SNX24: variants seen among roughly 807,000 people sequenced by gnomAD.
The protein encoded by SNX24 is sorting nexin 24.
Under a neutral mutation model 28.7 loss-of-function variants are expected in SNX24, and 22 were observed. The ratio of observed to expected loss-of-function variants is 0.77; its 90% CI spans 0.55 to 1.10. The LOEUF (loss-of-function observed/expected upper bound fraction) is 1.10, where lower values mean the gene tolerates loss of function less well. Among genes scored for constraint, SNX24 ranks in the 50% least tolerant of loss-of-function variants. The pLI, the probability that SNX24 is intolerant of heterozygous loss-of-function variation, is 0.00. For missense variants in SNX24, 221 were observed against 201.1 expected (o/e 1.10, Z -0.60); for synonymous variants, 69 against 71.5 (o/e 0.96, Z 0.18).
At chr5:122,885,031 G>A (rs1398553668) in intron 1 of SNX24, among the ~76,000 whole-genome samples, 1 of 152,196 alleles carries the variant, frequency 6.6e-6, no homozygotes, top group African/African-American at 2.4e-5. Flanking sequence ...AATGAGAGTG[G>A]TATAAACAGT....
downstream of SNX24, among the ~76,000 whole-genome samples, chr5:123,014,022 CACA>C (rs904250643): frequency 6.6e-6 from 1 of 152,198 alleles, no homozygotes; most frequent in Admixed American, 6.5e-5. Context: ...ATTGAAGCTT[CACA>C]ACATCTTTAA....
chr5:122,863,232 A>T (rs971872786), intron 1 of SNX24, among the ~76,000 whole-genome samples: 1 of 152,114 alleles, frequency 6.6e-6, no homozygotes, highest in Non-Finnish European at 1.5e-5. Flanking sequence ...TGGGAAGGCA[A>T]CATTGGAACC....
chr5:122,960,601 C>T (rs999524084), intron 3 of SNX24, among the ~76,000 whole-genome samples: 1 of 151,988 alleles, frequency 6.6e-6, no homozygotes, highest in African/African-American at 2.4e-5. Flanking sequence ...TTTAGGGAGC[C>T]TTTTCTTTAA....
At position 123,009,013 on chromosome 5, in the gene SNX24, T is replaced by A. The variant is rs1762506545; in HGVS notation, c.*1264T>A. 1.4e-5 allele frequency: 14 copies of A among 985,706 alleles called. No individual in the cohort carries two copies. The highest frequency in any genetic ancestry group is 1.7e-5 in the Non-Finnish European group (14 of 829,762). 61.1% of individuals were successfully genotyped at this position (985,706 alleles called of 1,614,324 possible). On this transcript the variant is annotated 3_prime_UTR_variant, in exon 7 of 7. Coordinates refer to ENST00000261369, the MANE Select transcript of SNX24 (RefSeq NM_014035.4). The stretch of plus-strand genomic sequence containing the variant: ...TACATCATGGTTTTTGATTAGGATC[T>A]AAATATTCAGGTTTTAAGCCTGCTG...
intron 3 of SNX24, among the ~76,000 whole-genome samples, chr5:122,973,075 A>C (rs528939415): frequency 5.3e-5 from 8 of 152,226 alleles, no homozygotes; most frequent in Non-Finnish European, 1.2e-4. Flanking sequence ...CTTGATTATT[A>C]AAATGCTCCT....
At chr5:122,978,098 T>G (rs1454787737) in intron 3 of SNX24, among the ~76,000 whole-genome samples, 3 of 152,202 alleles carry the variant, frequency 2.0e-5, no homozygotes, top group African/African-American at 7.2e-5. Context: ...ATAGCATTAC[T>G]CATTTTCCCC....
chr5:122,891,241 T>C lies in SNX24; in HGVS notation c.61-45493T>C, dbSNP rs1280577493. The stretch of plus-strand genomic sequence containing the variant: ...GGAATGTTGACTTTAAAGTGCCTAT[T>C]TATTCTAATATCAATGTATTCTATT... On this transcript the variant is annotated intron_variant, in intron 1 of 6. Transcript: ENST00000261369. The C allele has an allele frequency of 1.2e-5, 12 of 1,029,666 alleles. No individual in the cohort carries two copies. In the East Asian group the frequency reaches 1.7e-4, roughly 15 times the overall value. The allele number at this position is 1,029,666 out of a possible 1,614,324, so 63.8% of individuals were successfully genotyped here. A position where few individuals can be genotyped will look rare whatever the true frequency, so the allele number is the denominator to read the frequency against.
intron 3 of SNX24, among the ~76,000 whole-genome samples, chr5:122,950,252 G>A (rs1759881522): frequency 6.6e-6 from 1 of 152,150 alleles, no homozygotes; most frequent in Admixed American, 6.5e-5. Flanking sequence ...CTACTTTGGA[G>A]GATGTTTTAA....
chr5:122,992,444 C>A (rs547106059), intron 3 of SNX24, among the ~76,000 whole-genome samples: 46 of 152,224 alleles, frequency 3.0e-4, no homozygotes, highest in African/African-American at 1.1e-3. Flanking sequence ...GCCCCCATTG[C>A]TTAGCTTTAT....
chr5:123,008,054 C>T lies in SNX24; in HGVS notation c.*305C>T, dbSNP rs1762477549. 4.7e-6 allele frequency: 5 copies of T among 1,075,006 alleles called. No individual in the cohort carries two copies. Among genetic ancestry groups the T allele is most frequent in the Non-Finnish European group, 5.6e-6 (5 of 887,464 alleles). 66.6% of individuals were successfully genotyped at this position (1,075,006 alleles called of 1,614,324 possible). A position where few individuals can be genotyped will look rare whatever the true frequency, so the allele number is the denominator to read the frequency against. ...CCTGGGAGCACTGGGTGTAGCAAAA[C>T]AAAGCCACTCTCTGCTTCAGTCGCA... On this transcript the variant is annotated 3_prime_UTR_variant, in exon 7 of 7. Coordinates refer to ENST00000261369, the MANE Select transcript of SNX24 (RefSeq NM_014035.4).
chr5:122,981,771 G>T (rs1761404704), intron 3 of SNX24, among the ~76,000 whole-genome samples: 1 of 152,118 alleles, frequency 6.6e-6, no homozygotes, highest in Non-Finnish European at 1.5e-5. Context: ...TCTGCCTCCC[G>T]GGCTCAAGTG....
At chr5:122,927,898 C>T (rs1041668569) in intron 1 of SNX24, among the ~76,000 whole-genome samples, 1 of 152,290 alleles carries the variant, frequency 6.6e-6, no homozygotes, top group East Asian at 1.9e-4. Context: ...CTTAACTTGC[C>T]ACCACAGACT....
chr5:122,984,396 A>G (rs1451815402), intron 3 of SNX24, among the ~76,000 whole-genome samples: 1 of 152,214 alleles, frequency 6.6e-6, no homozygotes, highest in East Asian at 1.9e-4. Flanking sequence ...AAGGATGTCT[A>G]AGCTTAAAGA....
chr5:122,989,988 C>T (rs1336677584), intron 3 of SNX24, among the ~76,000 whole-genome samples: 1 of 152,172 alleles, frequency 6.6e-6, no homozygotes, highest in East Asian at 1.9e-4. Context: ...ACTATTCCTA[C>T]CTGTGTATTT....
chr5:122,941,370 C>G (rs1222078174), intron 2 of SNX24, among the ~76,000 whole-genome samples: 1 of 152,152 alleles, frequency 6.6e-6, no homozygotes. Context: ...TCAGTGACAG[C>G]TGAGCCAATA....
chr5:122,881,101 A>G (rs1339721505), intron 1 of SNX24, among the ~76,000 whole-genome samples: 1 of 152,220 alleles, frequency 6.6e-6, no homozygotes, highest in East Asian at 1.9e-4. Flanking sequence ...GCTGGTTTGG[A>G]CATGGGACAC....
intron 3 of SNX24, among the ~76,000 whole-genome samples, chr5:122,960,744 T>TACCAGAGAAGGGGTTCCCTC (rs1230296357): frequency 2.0e-5 from 3 of 152,144 alleles, no homozygotes; most frequent in African/African-American, 7.2e-5. Context: ...CAGGTTCACT[T>TACCAGAGAAGGGGTTCCCTC]ACCAGAGAAG....
At chr5:122,858,062 C>T (rs1191532703) in intron 1 of SNX24, among the ~76,000 whole-genome samples, 1 of 152,076 alleles carries the variant, frequency 6.6e-6, no homozygotes, top group African/African-American at 2.4e-5. Flanking sequence ...ATTACAGGAC[C>T]TTTTCTTTAT....
At chr5:122,964,338 A>G (rs1225684887) in intron 3 of SNX24, among the ~76,000 whole-genome samples, 1 of 151,818 alleles carries the variant, frequency 6.6e-6, no homozygotes, top group Non-Finnish European at 1.5e-5. Flanking sequence ...GTCTAGAGAC[A>G]CTTGTGGTTG....
Sources: allele counts gnomAD v4.1 joint callset (sites outside exome capture counted in the v4.1 genomes callset), GRCh38; gene constraint gnomAD v4.1.1; transcripts MANE v1.5; gene names NCBI Gene and HGNC (gene_info 2026-07-23, HGNC 2026-07-21).